Variants in ATE1 observed in about 807,000 individuals in gnomAD.
ATE1 encodes arginyl-tRNA--protein transferase 1.
Under a neutral mutation model 70.5 loss-of-function variants are expected in ATE1, and 36 were observed. That is an observed-to-expected ratio of 0.51 (90% CI 0.39 to 0.67). The LOEUF (loss-of-function observed/expected upper bound fraction) is 0.67. Among genes scored for constraint, ATE1 ranks in the 30% least tolerant of loss-of-function variants. ATE1 has a pLI of 0.00. For synonymous variants in ATE1, 232 were observed against 219.3 expected (o/e 1.06, Z -0.51); for missense variants, 593 against 629.5 (o/e 0.94, Z 0.62).
At chr10:121,746,986 T>G (rs1944398132) in intron 11 of ATE1, among the ~76,000 whole-genome samples, 1 of 152,176 alleles carries the variant, frequency 6.6e-6, no homozygotes, top group Admixed American at 6.5e-5. Flanking sequence ...ATGACTACAT[T>G]CTATGCCTGT....
Position 121,740,927 on chromosome 10 carries a change from T to C in ATE1, c.*2753A>G, listed in dbSNP as rs768101192. On this transcript the variant is annotated 3_prime_UTR_variant, in exon 12 of 12. Transcript: ENST00000224652. ...TTAGAATACAAAAAAGTGCTCAGAT[T>C]ACATTTAAAAAAATAACAAAAATCT... 17 of 152,342 alleles carry C rather than the reference T, an allele frequency of 1.1e-4. No individual in the cohort carries two copies. The highest frequency in any genetic ancestry group is 3.4e-3 in the Middle Eastern group (1 of 294). The allele number at this position is 152,342 out of a possible 1,614,324, so 9.4% of individuals were successfully genotyped here. A position where few individuals can be genotyped will look rare whatever the true frequency, so the allele number is the denominator to read the frequency against.
At position 121,928,006 on chromosome 10, in the gene ATE1, G is replaced by A. The variant is rs1444141690; in HGVS notation, c.-57C>T. On this transcript the variant is annotated 5_prime_UTR_variant, in exon 1 of 12. Transcript: ENST00000224652. Reference sequence around the variant, plus strand: ...GCCCCGCGTCGCTAGCGCGGCCGCCGCCGCCACCCCACAATGCAGCGCGCC... The same window carrying A: ...GCCCCGCGTCGCTAGCGCGGCCGCCACCGCCACCCCACAATGCAGCGCGCC... 5 of 1,391,378 alleles carry A rather than the reference G, an allele frequency of 3.6e-6. No homozygotes were observed. The African/African-American group carries it at 4.6e-5, about 13-fold the overall frequency. 86.2% of individuals were successfully genotyped at this position (1,391,378 alleles called of 1,614,324 possible). A position where few individuals can be genotyped will look rare whatever the true frequency, so the allele number is the denominator to read the frequency against.
rs1463881385 is a variant in ATE1 at position 121,743,810 on chromosome 10, T to C, written c.1427A>G (p.Lys476Arg). The C allele has an allele frequency of 3.7e-6, 6 of 1,614,100 alleles. No homozygotes were observed. The East Asian group carries it at 1.3e-4, about 36-fold the overall frequency. Residue 476 changes from lysine to arginine, a missense_variant, in exon 12 of 12, where the codon AAG becomes AGG. By Grantham distance (26) the Lys-to-Arg change is conservative. Transcript: ENST00000224652. ...AACACCGTAAGGCATGATGGCTCTC[T>C]TGTGAAACACCTGCAATCGGTCAGG... is the stretch of plus-strand genomic sequence containing the variant. Reference protein sequence around the residue: ...TEPDRLQVFHKRAIMPYGVYK... With the variant: ...TEPDRLQVFHRRAIMPYGVYK...
chr10:121,769,252 C>T (rs149907699), intron 11 of ATE1, among the ~76,000 whole-genome samples: 227 of 152,228 alleles, frequency 1.5e-3, no homozygotes, highest in African/African-American at 5.3e-3. Flanking sequence ...ACAAGTATGG[C>T]CAACTAATTT....
At chr10:121,860,463 T>C (rs1420126096) in intron 8 of ATE1, among the ~76,000 whole-genome samples, 1 of 152,194 alleles carries the variant, frequency 6.6e-6, no homozygotes, top group East Asian at 1.9e-4. Context: ...AGAAATGTAT[T>C]TGTCAATGAC....
chr10:121,768,852 T>A (rs994429497), intron 11 of ATE1, among the ~76,000 whole-genome samples: 1 of 152,004 alleles, frequency 6.6e-6, no homozygotes, highest in African/African-American at 2.4e-5. Flanking sequence ...TTATTTTGAG[T>A]TTGTCAACTT....
intron 10 of ATE1, among the ~76,000 whole-genome samples, chr10:121,833,673 G>T (rs1363324415): frequency 6.6e-6 from 1 of 152,084 alleles, no homozygotes; most frequent in African/African-American, 2.4e-5. Flanking sequence ...TACAGATAAA[G>T]GTCTCAAGTG....
At chr10:121,814,467 T>C (rs975347611) in intron 10 of ATE1, among the ~76,000 whole-genome samples, 14 of 152,298 alleles carry the variant, frequency 9.2e-5, no homozygotes, top group Admixed American at 3.3e-4. Flanking sequence ...CTGGTGACGA[T>C]GACTTCTCAG....
At chr10:121,786,480 G>C (rs77869129) in intron 11 of ATE1, among the ~76,000 whole-genome samples, 1,959 of 151,968 alleles carry the variant, frequency 0.013, 38 homozygotes, top group African/African-American at 0.045. Context: ...ACAAGCCTAC[G>C]CAACGTAGCA....
At chr10:121,825,975 T>C (rs1251693146) in intron 10 of ATE1, among the ~76,000 whole-genome samples, 1 of 152,170 alleles carries the variant, frequency 6.6e-6, no homozygotes, top group African/African-American at 2.4e-5. Context: ...TACAGTGAAA[T>C]GTTATTCAGC....
At chr10:121,839,807 A>G (rs576428049) in intron 9 of ATE1, among the ~76,000 whole-genome samples, 1 of 152,336 alleles carries the variant, frequency 6.6e-6, no homozygotes, top group East Asian at 1.9e-4. Flanking sequence ...CACACAAAAA[A>G]ATCACTTATG....
At chr10:121,880,469 C>T (rs987376501) in intron 7 of ATE1, among the ~76,000 whole-genome samples, 5 of 151,814 alleles carry the variant, frequency 3.3e-5, no homozygotes, top group Non-Finnish European at 7.4e-5. Flanking sequence ...AGAAGAATCA[C>T]ATTCTTCCAC....
intron 10 of ATE1, among the ~76,000 whole-genome samples, chr10:121,819,679 CAA>C (rs57035123): frequency 1.5e-4 from 8 of 52,722 alleles, no homozygotes; most frequent in African/African-American, 7.0e-4. Context: ...AAGACTGTCT[CAA>C]AAAAAAAAAA....
At chr10:121,759,723 CAA>C (rs869041308) in intron 11 of ATE1, among the ~76,000 whole-genome samples, 48 of 72,714 alleles carry the variant, frequency 6.6e-4, no homozygotes, top group Admixed American at 1.2e-3. Flanking sequence ...GACTCCGTCT[CAA>C]AAAAAAAAAA....
chr10:121,776,538 C>T (rs1439746518), intron 11 of ATE1, among the ~76,000 whole-genome samples: 1 of 152,204 alleles, frequency 6.6e-6, no homozygotes, highest in Non-Finnish European at 1.5e-5. Context: ...GAGTGACAAT[C>T]CTCCCCACCA....
chr10:121,795,207 C>T (rs553244972), intron 10 of ATE1, among the ~76,000 whole-genome samples: 6 of 152,192 alleles, frequency 3.9e-5, no homozygotes, highest in Non-Finnish European at 7.4e-5. Flanking sequence ...AAGATCGCAC[C>T]TCTGCACTCC....
chr10:121,759,358 C>T (rs1164151954), intron 11 of ATE1, among the ~76,000 whole-genome samples: 1 of 152,142 alleles, frequency 6.6e-6, no homozygotes, highest in East Asian at 1.9e-4. Context: ...AAGGACATTG[C>T]AGAAGAAAAG....
chr10:121,821,596 T>G lies in ATE1; in HGVS notation c.1257+15122A>C, dbSNP rs375819482. 1.7e-4 allele frequency among the ~76,000 whole-genome samples: 26 copies of G among 152,108 alleles called. No individual in the cohort carries two copies. The South Asian group carries it at 2.3e-3, about 13-fold the overall frequency. ...ACAAAATGCAAATTAAAACCACAAC[T>G]CAGGCCAGGCCCGGTGGCTCACGCC... On this transcript the variant is annotated intron_variant, in intron 10 of 11. Coordinates refer to ENST00000224652, the MANE Select transcript of ATE1 (RefSeq NM_001001976.3).
intron 11 of ATE1, among the ~76,000 whole-genome samples, chr10:121,788,331 T>C (rs1374483953): frequency 6.6e-6 from 1 of 152,220 alleles, no homozygotes; most frequent in Non-Finnish European, 1.5e-5. Flanking sequence ...GTGGGAACTA[T>C]AAAACTCTGG....
Sources: allele counts gnomAD v4.1 joint callset (sites outside exome capture counted in the v4.1 genomes callset), GRCh38; gene constraint gnomAD v4.1.1; transcripts MANE v1.5; gene names NCBI Gene and HGNC (gene_info 2026-07-23, HGNC 2026-07-21).